DACT2: variants seen among roughly 807,000 people sequenced by gnomAD.
DACT2 encodes the protein dishevelled binding antagonist of beta catenin 2.
DACT2 carries 20 observed loss-of-function variants against 22.2 expected under a neutral mutation model. That is an observed-to-expected ratio of 0.90 (90% confidence interval 0.63 to 1.31). The LOEUF (loss-of-function observed/expected upper bound fraction) is 1.31. Among genes scored for constraint, DACT2 ranks in the 50% most tolerant of loss-of-function variants. The pLI is 0.00. For synonymous variants in DACT2, 463 were observed against 479.8 expected (o/e 0.96, Z 0.46); for missense variants, 1,048 against 1,061.4 (o/e 0.99, Z 0.18).
intron 1 of DACT2, among the ~76,000 whole-genome samples, chr6:168,311,584 C>CACACACACACACACACACACA (rs1562498529): frequency 1.2e-5 from 1 of 86,102 alleles, no homozygotes. Context: ...ACACACCCAT[C>CACACACACACACACACACACA]CACACACACA....
At chr6:168,309,567 A>G (rs950691571) in intron 3 of DACT2, among the ~76,000 whole-genome samples, 7 of 129,478 alleles carry the variant, frequency 5.4e-5, no homozygotes, top group Admixed American at 8.9e-5. Context: ...CAGCGCCCTC[A>G]TTTCCCTGAG....
intron 3 of DACT2, among the ~76,000 whole-genome samples, chr6:168,309,461 G>A (rs1485809416): frequency 6.6e-6 from 1 of 152,244 alleles, no homozygotes; most frequent in Non-Finnish European, 1.5e-5. Context: ...TAGACACAGG[G>A]TGCGGGGCCC....
In DACT2 at chr6:168,307,188, A is replaced by G; in HGVS notation, c.*244T>C. 6 of 1,369,386 alleles carry G rather than the reference A, an allele frequency of 4.4e-6. No individual in the cohort carries two copies. In the South Asian group the frequency reaches 6.6e-5, roughly 15 times the overall value. 84.8% of individuals were successfully genotyped at this position (1,369,386 alleles called of 1,614,324 possible). A position where few individuals can be genotyped will look rare whatever the true frequency, so the allele number is the denominator to read the frequency against. ...TCCTGGGCAGACCTTGAAAAGAGACACTAGGTCGGCCGGGGAGGCTGCTGG... is the reference window on the plus strand; with the variant it reads ...TCCTGGGCAGACCTTGAAAAGAGACGCTAGGTCGGCCGGGGAGGCTGCTGG... On this transcript the variant is annotated 3_prime_UTR_variant, in exon 4 of 4. Transcript: ENST00000366795. This position sits in a 1 kb window ranked among gnomAD's most constrained non-coding sequence, Gnocchi z 5.3.
chr6:168,313,386 C>G (rs534728871), intron 1 of DACT2, among the ~76,000 whole-genome samples: 2 of 152,178 alleles, frequency 1.3e-5, no homozygotes, highest in Non-Finnish European at 2.9e-5. Flanking sequence ...ATGGCAAAAA[C>G]CAATCCTGAA....
At chr6:168,316,538 A>G (rs1273704134) in intron 1 of DACT2, among the ~76,000 whole-genome samples, 20 of 54,738 alleles carry the variant, frequency 3.7e-4, no homozygotes, top group African/African-American at 6.5e-4. Context: ...GTCACGCAGA[A>G]GCTGCGATTG....
intron 4 of DACT2, chr6:168,294,323 A>C (rs955905225): frequency 2.9e-6 from 2 of 684,952 alleles, no homozygotes; most frequent in Non-Finnish European, 5.3e-6. Context: ...GGGGAAGAGG[A>C]CGGCCACGCT....
chr6:168,314,966 GC>G (rs1779508703), intron 1 of DACT2, among the ~76,000 whole-genome samples: 1 of 152,164 alleles, frequency 6.6e-6, no homozygotes. Context: ...CTAATGCGTG[GC>G]CCTGAGCAAG....
chr6:168,318,842 T>C (rs566363039), intron 1 of DACT2, among the ~76,000 whole-genome samples: 2 of 152,242 alleles, frequency 1.3e-5, no homozygotes, highest in South Asian at 4.2e-4. Flanking sequence ...GTCAGTTACA[T>C]GCTTTCCCCC....
chr6:168,301,006 CAAA>C (rs574174392), intron 3 of DACT2, among the ~76,000 whole-genome samples: 1 of 147,408 alleles, frequency 6.8e-6, no homozygotes, highest in African/African-American at 2.6e-5. Context: ...AACAAACAAA[CAAA>C]AAAACAAAAA....
In DACT2 at chr6:168,319,579, C is replaced by A; in HGVS notation, c.55G>T (p.Gly19Cys). The change falls in exon 1 of 4, where the codon GGC (glycine) becomes TGC (cysteine). Residue 19 changes from glycine to cysteine, a missense_variant. Transcript: ENST00000366795. Reference sequence around the variant, plus strand: ...GCGAACGCCGCGCGCAACCTCGCGCCCAACCTACGGCGGTCCCAGCCCGCG... The same window carrying A: ...GCGAACGCCGCGCGCAACCTCGCGCACAACCTACGGCGGTCCCAGCCCGCG... ...GSAGWDRRRL[G>C]ARLRAAFAGL... is the part of the protein sequence containing the mutation. 1 of 1,376,146 alleles carries A rather than the reference C, an allele frequency of 7.3e-7. No individual in the cohort carries two copies. Among genetic ancestry groups the A allele is most frequent in the Admixed American group, 2.6e-5 (1 of 38,606 alleles). 85.2% of individuals were successfully genotyped at this position (1,376,146 alleles called of 1,614,324 possible).
At chr6:168,319,275 G>C in intron 1 of DACT2, 113 bp downstream of exon 1, 2 of 974,108 alleles carry the variant, frequency 2.1e-6, no homozygotes, top group Non-Finnish European at 2.6e-6. Context: ...CCCAAAGGAC[G>C]TCCCCTCCAT....
chr6:168,294,567 GTGTGTGTGTGTATATATATA>G, intron 4 of DACT2: 1 of 480,816 alleles, frequency 2.1e-6, no homozygotes, highest in African/African-American at 5.4e-5. Context: ...GTGTATGTGT[GTGTGTGTGTGTATATATATA>G]TATATATATA....
At chr6:168,305,055 TGA>T (rs1562493168), downstream of DACT2, among the ~76,000 whole-genome samples, 1 of 151,470 alleles carries the variant, frequency 6.6e-6, no homozygotes, top group African/African-American at 2.4e-5. Flanking sequence ...AGAGAGAGCA[TGA>T]GAGAGGGAGA....
intron 1 of DACT2, among the ~76,000 whole-genome samples, chr6:168,312,613 C>T (rs1036997199): frequency 2.0e-5 from 3 of 152,060 alleles, no homozygotes; most frequent in Non-Finnish European, 2.9e-5. Context: ...TACATGTGTG[C>T]GTGTGTGTGC....
At chr6:168,294,571 GTGTGTGTATATATATA>G in intron 4 of DACT2, 2 of 514,944 alleles carry the variant, frequency 3.9e-6, no homozygotes, top group East Asian at 9.1e-5. Flanking sequence ...ATGTGTGTGT[GTGTGTGTATATATATA>G]TATATATATA....
At chr6:168,295,602 CATAGA>C (rs1778994678) in intron 3 of DACT2, among the ~76,000 whole-genome samples, 1 of 152,136 alleles carries the variant, frequency 6.6e-6, no homozygotes, top group African/African-American at 2.4e-5. Context: ...TACTGAGGTG[CATAGA>C]ATAGAACTAG....
rs1010865778 is a variant in DACT2 at position 168,308,286 on chromosome 6, G to A, written c.1471C>T (p.Pro491Ser). 4.5e-6 allele frequency: 7 copies of A among 1,552,142 alleles called. No homozygotes were observed. The highest frequency in any genetic ancestry group is 6.1e-6 in the Non-Finnish European group (7 of 1,147,130). ...ATTTTTTCAGCCTTGCTCTTGGGGGGACCCATTTTCAGGCTGGCAGCAAAG... is the reference window on the plus strand; with the variant it reads ...ATTTTTTCAGCCTTGCTCTTGGGGGAACCCATTTTCAGGCTGGCAGCAAAG... ...PSFAASLKMG[P>S]PKSKAEKIKR... Residue 491 changes from proline (P) to serine (S), a missense_variant, in exon 4 of 4, where the codon CCC becomes TCC. Pro to Ser is a moderately conservative substitution (Grantham distance 74). Coordinates refer to ENST00000366795, the MANE Select transcript of DACT2 (RefSeq NM_214462.5).
rs1049263474 is a variant in DACT2, at chr6:168,311,209, G to A, written c.322C>T (p.Leu108=). 6.5e-7 allele frequency: 1 copy of A among 1,550,090 alleles called. No homozygotes were observed. Among genetic ancestry groups the A allele is most frequent in the Non-Finnish European group, 8.7e-7 (1 of 1,145,958 alleles). The change falls in exon 2 of 4, where the codon CTG becomes TTG. Residue 108 remains leucine (L), a synonymous_variant. Coordinates refer to ENST00000366795, the MANE Select transcript of DACT2 (RefSeq NM_214462.5). ...QLDLQISKLQ[L]DVGTASGEAL... ...TCCCCTGAGGCTGTGCCCACATCCA[G>A]CTGCAGCTTGCTAATCTGCAGGTCC...
In DACT2 at chr6:168,309,041, G is replaced by A; in HGVS notation, c.716C>T (p.Ala239Val). The change falls in exon 4 of 4, where the codon GCC becomes GTC. Residue 239 changes from alanine (A) to valine (V), a missense_variant. Coordinates refer to ENST00000366795, the MANE Select transcript of DACT2 (RefSeq NM_214462.5). ...DTGLQKASAD[A>V]ELLGLLCQGV... ...CTGGCAGAGGAGCCCGAGGAGCTCGGCGTCCGCGCTGGCTTTCTGGAGCCC... is the reference window on the plus strand; with the variant it reads ...CTGGCAGAGGAGCCCGAGGAGCTCGACGTCCGCGCTGGCTTTCTGGAGCCC... 1 of 1,543,946 alleles carries A rather than the reference G, an allele frequency of 6.5e-7. No individual in the cohort carries two copies. Among genetic ancestry groups the A allele is most frequent in the Admixed American group, 2.0e-5 (1 of 50,962 alleles).
Sources: allele counts gnomAD v4.1 joint callset (sites outside exome capture counted in the v4.1 genomes callset), GRCh38; gene constraint gnomAD v4.1.1; non-coding constraint Gnocchi (gnomAD v3.1); transcripts MANE v1.5; gene names NCBI Gene and HGNC (gene_info 2026-07-23, HGNC 2026-07-21).